ZNF487: variants seen among roughly 807,000 people sequenced by gnomAD.
ZNF487 encodes KRAB domain only 1.
ZNF487 carries 4 observed loss-of-function variants against 3.0 expected under a neutral mutation model. That is an observed-to-expected ratio of 1.35 (90% confidence interval 0.66 to 3.08). The LOEUF (loss-of-function observed/expected upper bound fraction) is 3.08, where lower values mean the gene tolerates loss of function less well. Among genes scored for constraint, ZNF487 ranks in the 30% most tolerant of loss-of-function variants. The pLI is 0.01. For synonymous variants in ZNF487, 55 were observed against 34.6 expected (o/e 1.59, Z -2.06); for missense variants, 146 against 98.7 (o/e 1.48, Z -2.03).
At chr10:43,470,137 T>C (rs192899601) in intron 1 of ZNF487, among the ~76,000 whole-genome samples, 1 of 152,320 alleles carries the variant, frequency 6.6e-6, no homozygotes, top group East Asian at 1.9e-4. Flanking sequence ...CTTTGAGGTA[T>C]GCCTGTGTTT....
chr10:43,467,376 T>C (rs933394617), intron 1 of ZNF487, among the ~76,000 whole-genome samples: 18 of 151,706 alleles, frequency 1.2e-4, no homozygotes, highest in African/African-American at 4.1e-4. Flanking sequence ...GGCTAATTTT[T>C]GTATTTTTAG....
intron 3 of ZNF487, among the ~76,000 whole-genome samples, chr10:43,477,456 A>G (rs1841143143): frequency 1.3e-5 from 2 of 151,992 alleles, no homozygotes; most frequent in African/African-American, 4.8e-5. Context: ...TGGCCTCCCA[A>G]AGTGCTGGGA....
downstream of ZNF487, among the ~76,000 whole-genome samples, chr10:43,485,647 G>A (rs1003278091): frequency 6.6e-6 from 1 of 152,196 alleles, no homozygotes; most frequent in African/African-American, 2.4e-5. Context: ...GTCTAGTGTG[G>A]TATGTAGATT....
intron 1 of ZNF487, among the ~76,000 whole-genome samples, chr10:43,457,560 A>G (rs977469020): frequency 7.7e-5 from 11 of 142,692 alleles, no homozygotes; most frequent in African/African-American, 3.1e-4. Flanking sequence ...GTCTTGGGGA[A>G]AAAAAAAAAA....
chr10:43,440,674 AAAAG>A (rs1451484920), intron 1 of ZNF487, among the ~76,000 whole-genome samples: 2 of 151,862 alleles, frequency 1.3e-5, no homozygotes, highest in Non-Finnish European at 2.9e-5. Flanking sequence ...AAAAAAGAAA[AAAAG>A]AAACAGAAGA....
chr10:43,438,812 G>A (rs1839474892), intron 1 of ZNF487, among the ~76,000 whole-genome samples: 1 of 152,122 alleles, frequency 6.6e-6, no homozygotes, highest in South Asian at 2.1e-4. Context: ...TGGATGCAGC[G>A]GCTCATGCTG....
At chr10:43,436,850 G>A, upstream of ZNF487, 1 of 467,788 alleles carries the variant, frequency 2.1e-6, no homozygotes, top group Non-Finnish European at 4.4e-6. Flanking sequence ...TCGCGGCCCC[G>A]CCCCCGGACG....
intron 1 of ZNF487, among the ~76,000 whole-genome samples, chr10:43,469,824 C>T (rs1045555126): frequency 6.6e-6 from 1 of 151,972 alleles, no homozygotes; most frequent in African/African-American, 2.4e-5. Flanking sequence ...GTGGTGTACT[C>T]CTGTAATCCT....
At chr10:43,439,291 T>C (rs1392575290) in intron 1 of ZNF487, among the ~76,000 whole-genome samples, 2 of 151,988 alleles carry the variant, frequency 1.3e-5, no homozygotes, top group Non-Finnish European at 2.9e-5. Flanking sequence ...TCCTAGCTAC[T>C]CTGGAAGCTG....
chr10:43,509,639 G>A, the ZNF487 span, among the ~76,000 whole-genome samples: 2 of 151,900 alleles, frequency 1.3e-5, no homozygotes, highest in South Asian at 2.1e-4. Flanking sequence ...TCCAGCATGG[G>A]AGAAAGATGT....
intron 1 of ZNF487, among the ~76,000 whole-genome samples, chr10:43,473,650 C>T (rs1840986027): frequency 6.6e-6 from 1 of 152,034 alleles, no homozygotes; most frequent in Admixed American, 6.6e-5. Context: ...TCCTGAGTAG[C>T]TGGGATTACA....
chr10:43,515,302 T>C, the ZNF487 span, among the ~76,000 whole-genome samples: 1 of 152,036 alleles, frequency 6.6e-6, no homozygotes, highest in Non-Finnish European at 1.5e-5. Flanking sequence ...AAACGGGTGT[T>C]GGGGGTGGCT....
intron 1 of ZNF487, among the ~76,000 whole-genome samples, chr10:43,441,560 C>T (rs1027401125): frequency 8.6e-5 from 13 of 151,552 alleles, no homozygotes; most frequent in Non-Finnish European, 5.9e-5. Flanking sequence ...AGCCACCGCG[C>T]CTGGCCAATT....
At chr10:43,453,658 C>G (rs1340409721) in intron 1 of ZNF487, 3 of 152,310 alleles carry the variant, frequency 2.0e-5, no homozygotes, top group East Asian at 3.9e-4. Context: ...AACAAACTTA[C>G]AGTGAGCAGT....
At chr10:43,476,065 G>T (rs769196471) in intron 2 of ZNF487, 42 bp from the exon 3 acceptor site, 9 of 713,268 alleles carry the variant, frequency 1.3e-5, no homozygotes, top group Admixed American at 4.1e-5. Context: ...TTTGTCCTCC[G>T]CAGGCTATCT....
intron 1 of ZNF487, among the ~76,000 whole-genome samples, chr10:43,448,732 G>T (rs1386660252): frequency 6.6e-6 from 1 of 152,064 alleles, no homozygotes; most frequent in South Asian, 2.1e-4. Flanking sequence ...CAGGAGAATC[G>T]CTTGAACCTT....
the ZNF487 span, chr10:43,496,196 T>A: frequency 2.3e-6 from 1 of 437,598 alleles, no homozygotes. Flanking sequence ...TTTTAGCAGT[T>A]GATATACGTG....
chr10:43,475,994 A>AT, intron 2 of ZNF487, 113 bp from the exon 3 acceptor site: 2 of 668,612 alleles, frequency 3.0e-6, no homozygotes, highest in Non-Finnish European at 5.5e-6. Context: ...ACTGTAAAGA[A>AT]TATCTGTGGT....
the ZNF487 span, among the ~76,000 whole-genome samples, chr10:43,515,193 T>C: frequency 6.6e-6 from 1 of 152,208 alleles, no homozygotes; most frequent in Non-Finnish European, 1.5e-5. Context: ...GATTTATTTA[T>C]ATGAATTAGA....
Sources: gnomAD v4.1 joint callset for allele counts (sites outside exome capture counted in the v4.1 genomes callset) on GRCh38, gnomAD v4.1.1 for gene constraint, MANE v1.5 for transcripts, NCBI Gene and HGNC (gene_info 2026-07-23, HGNC 2026-07-21) for gene names.